The following ANK3 variants were observed in gnomAD, a reference collection of about 807,000 sequenced individuals.
The protein encoded by ANK3 is ankyrin 3.
ANK3 carries 57 observed loss-of-function variants against 370.9 expected under a neutral mutation model. That is an observed-to-expected ratio of 0.15 (90% confidence interval 0.12 to 0.19). The LOEUF (loss-of-function observed/expected upper bound fraction) is 0.19, where lower values mean the gene tolerates loss of function less well. Ranked by LOEUF, ANK3 falls within the 10% of genes least tolerant of loss-of-function variation. The probability of loss-of-function intolerance (pLI) is 1.00; values close to 1 mark genes in which losing one functional copy is unlikely to be tolerated. For missense variants in ANK3, 4,439 were observed against 5,302.1 expected (o/e 0.84, Z 5.06); for synonymous variants, 1,929 against 1,946.3 (o/e 0.99, Z 0.23).
chr10:60,463,203 C>A (rs2064931447), intron 2 of ANK3, among the ~76,000 whole-genome samples: 1 of 152,130 alleles, frequency 6.6e-6, no homozygotes, highest in African/African-American at 2.4e-5. Flanking sequence ...CACACCCAGC[C>A]TCCCTAGGTT....
chr10:60,189,949 C>T (rs1378095436), intron 16 of ANK3, among the ~76,000 whole-genome samples: 1 of 151,974 alleles, frequency 6.6e-6, no homozygotes, highest in Non-Finnish European at 1.5e-5. Flanking sequence ...GAAGAGAAAC[C>T]TGATAAATAA....
intron 18 of ANK3, among the ~76,000 whole-genome samples, chr10:60,177,028 C>T (rs1359983342): frequency 2.0e-5 from 3 of 152,174 alleles, no homozygotes; most frequent in African/African-American, 7.2e-5. Flanking sequence ...ATCTCCACTG[C>T]TCTAGTAAAA....
intron 8 of ANK3, among the ~76,000 whole-genome samples, chr10:60,218,442 GTACTT>G (rs2096983282): frequency 1.3e-5 from 2 of 151,956 alleles, no homozygotes. Context: ...TCCATATTTA[GTACTT>G]CCTTCAAGAG....
chr10:60,185,858 GAACT>G (rs2096311833), intron 17 of ANK3, among the ~76,000 whole-genome samples: 1 of 152,142 alleles, frequency 6.6e-6, no homozygotes. Context: ...ATTGTCGGCT[GAACT>G]TTCACTTTGC....
rs572692850 is a variant in ANK3 at position 60,080,678 on chromosome 10, T to C, written c.4351-60A>G. 62 of 1,296,592 alleles carry C rather than the reference T, an allele frequency of 4.8e-5. No individual in the cohort carries two copies. The African/African-American group carries it at 8.9e-4, about 19-fold the overall frequency. The allele number at this position is 1,296,592 out of a possible 1,614,324, so 80.3% of individuals were successfully genotyped here. On this transcript the variant is annotated intron_variant, in intron 35 of 43. Coordinates refer to ENST00000280772, the MANE Select transcript of ANK3 (RefSeq NM_020987.5). ...CAACTTCCCTGTGACATCTTCAGTT[T>C]TAAGACATTTTGTAGGATGGCATGT... is the stretch of plus-strand genomic sequence containing the variant.
intron 2 of ANK3, among the ~76,000 whole-genome samples, chr10:60,613,754 A>G (rs915013798): frequency 1.9e-4 from 19 of 98,238 alleles, no homozygotes; most frequent in Non-Finnish European, 3.6e-4. Context: ...TTCACTGAAC[A>G]AAAACAAAAA....
At position 60,172,891 on chromosome 10, in the gene ANK3, A is replaced by G. The variant is rs375388587; in HGVS notation, c.2382+9T>C. ...TCCCTCTTCTCCTGAGCTGGCCCTG[A>G]GCGCTTACCACAGTGAGTTCATTGG... On this transcript the variant is annotated intron_variant, in intron 20 of 43. Coordinates refer to ENST00000280772, the MANE Select transcript of ANK3 (RefSeq NM_020987.5). 1.2e-6 allele frequency: 2 copies of G among 1,602,986 alleles called. No homozygotes were observed.
chr10:60,389,564 G>A lies in ANK3; in HGVS notation c.-26C>T. On this transcript the variant is annotated 5_prime_UTR_variant, in exon 1 of 44. Coordinates refer to ENST00000280772, the MANE Select transcript of ANK3 (RefSeq NM_020987.5). Reference sequence around the variant, plus strand: ...AATGCATTTAAAAAGATCCTCTCAAGCACACACGGCTTCCTTGTAAAAGGT... The same window carrying A: ...AATGCATTTAAAAAGATCCTCTCAAACACACACGGCTTCCTTGTAAAAGGT... 3 of 1,611,492 alleles carry A rather than the reference G, an allele frequency of 1.9e-6. No homozygotes were observed. The highest frequency in any genetic ancestry group is 2.5e-6 in the Non-Finnish European group (3 of 1,179,346).
chr10:60,091,598 G>A (rs1478541767), intron 28 of ANK3, among the ~76,000 whole-genome samples: 1 of 152,164 alleles, frequency 6.6e-6, no homozygotes, highest in African/African-American at 2.4e-5. Context: ...AGGGTAGACT[G>A]GAGGGAGGAT....
intron 1 of ANK3, among the ~76,000 whole-genome samples, chr10:60,733,014 T>A (rs1459862085): frequency 6.6e-6 from 1 of 151,220 alleles, no homozygotes; most frequent in East Asian, 2.0e-4. Flanking sequence ...CTGGGGATGC[T>A]CCAGCACTGG....
chr10:60,248,950 G>A (rs6479706), intron 7 of ANK3, among the ~76,000 whole-genome samples: 105,844 of 152,138 alleles, frequency 0.7, 36,990 homozygotes, highest in East Asian at 0.86. Context: ...ACAATTTCCA[G>A]CCAAAAGGAA....
At chr10:60,317,384 A>G (rs2047670777) in intron 1 of ANK3, among the ~76,000 whole-genome samples, 1 of 151,858 alleles carries the variant, frequency 6.6e-6, no homozygotes, top group Non-Finnish European at 1.5e-5. Flanking sequence ...TTGGCTTCCT[A>G]AAGTGCTGGG....
intron 1 of ANK3, among the ~76,000 whole-genome samples, chr10:60,302,261 G>GA (rs2043982140): frequency 6.6e-6 from 1 of 152,070 alleles, no homozygotes; most frequent in Non-Finnish European, 1.5e-5. Flanking sequence ...TAGGAAATGG[G>GA]TATATAGGCT....
chr10:60,460,083 C>G (rs543158982), intron 2 of ANK3, among the ~76,000 whole-genome samples: 1 of 141,966 alleles, frequency 7.0e-6, no homozygotes, highest in African/African-American at 2.6e-5. Context: ...CAGCCTAGAA[C>G]ACACCACCAA....
chr10:60,164,221 G>C (rs145325851), intron 23 of ANK3, among the ~76,000 whole-genome samples: 1 of 152,156 alleles, frequency 6.6e-6, no homozygotes, highest in African/African-American at 2.4e-5. Flanking sequence ...TAGAGCTCTT[G>C]TAAGCAAAAT....
chr10:60,244,763 A>AAC (rs2097527646), intron 7 of ANK3, among the ~76,000 whole-genome samples: 1 of 152,220 alleles, frequency 6.6e-6, no homozygotes, highest in South Asian at 2.1e-4. Context: ...TCACGCTATA[A>AAC]ACATATATCT....
intron 2 of ANK3, among the ~76,000 whole-genome samples, chr10:60,524,656 G>T (rs991335147): frequency 2.6e-5 from 4 of 152,056 alleles, no homozygotes; most frequent in Admixed American, 6.6e-5. Context: ...TTTGCAAATT[G>T]CTCAGTCTCG....
chr10:60,400,243 G>A (rs942236416), intron 2 of ANK3, among the ~76,000 whole-genome samples: 1 of 152,138 alleles, frequency 6.6e-6, no homozygotes, highest in African/African-American at 2.4e-5. Flanking sequence ...AAACAGATGC[G>A]ATATTTGTGT....
chr10:60,347,414 C>G (rs1221372513), intron 1 of ANK3, among the ~76,000 whole-genome samples: 1 of 151,852 alleles, frequency 6.6e-6, no homozygotes, highest in Non-Finnish European at 1.5e-5. Flanking sequence ...CTATGAAGCA[C>G]TTCCTTGGGA....
Sources: allele counts gnomAD v4.1 joint callset (sites outside exome capture counted in the v4.1 genomes callset), GRCh38; gene constraint gnomAD v4.1.1; transcripts MANE v1.5; gene names NCBI Gene and HGNC (gene_info 2026-07-23, HGNC 2026-07-21).